Variants in IMMP2L observed in about 807,000 individuals in gnomAD.
The protein encoded by IMMP2L is inner mitochondrial membrane peptidase subunit 2.
Under a neutral mutation model 19.3 loss-of-function variants are expected in IMMP2L, and 18 were observed. The observed-to-expected ratio is 0.93, with a 90% CI of 0.64 to 1.38. The LOEUF (loss-of-function observed/expected upper bound fraction) is 1.38. IMMP2L is among the 40% of genes most tolerant of loss of function. IMMP2L has a pLI of 0.00. For synonymous variants in IMMP2L, 76 were observed against 73.0 expected (o/e 1.04, Z -0.21); for missense variants, 233 against 218.2 (o/e 1.07, Z -0.43).
At chr7:111,391,654 A>G (rs1224892403) in intron 3 of IMMP2L, among the ~76,000 whole-genome samples, 1 of 152,158 alleles carries the variant, frequency 6.6e-6, no homozygotes, top group African/African-American at 2.4e-5. Flanking sequence ...CAACGTGAAA[A>G]TTATAGGTAA....
At chr7:111,257,230 A>T (rs1489042580) in intron 3 of IMMP2L, among the ~76,000 whole-genome samples, 1 of 152,168 alleles carries the variant, frequency 6.6e-6, no homozygotes, top group African/African-American at 2.4e-5. Flanking sequence ...TCTTAATAAA[A>T]ATGAATAATA....
intron 3 of IMMP2L, among the ~76,000 whole-genome samples, chr7:111,054,449 T>C (rs1439875856): frequency 1.3e-5 from 2 of 152,192 alleles, no homozygotes; most frequent in Non-Finnish European, 2.9e-5. Context: ...CTTTACAAGA[T>C]ACAATTTAAA....
At chr7:110,669,052 C>CGTGTGTGT (rs1165734674) in intron 5 of IMMP2L, among the ~76,000 whole-genome samples, 1 of 65,272 alleles carries the variant, frequency 1.5e-5, no homozygotes, top group South Asian at 6.4e-4. Flanking sequence ...TGTGTGTGTG[C>CGTGTGTGT]GTGTGTGTGT....
At chr7:110,995,675 A>G (rs554220637) in intron 3 of IMMP2L, among the ~76,000 whole-genome samples, 12 of 152,218 alleles carry the variant, frequency 7.9e-5, no homozygotes, top group Non-Finnish European at 1.5e-4. Context: ...GCAGGACCTT[A>G]CAAACACAGG....
intron 3 of IMMP2L, among the ~76,000 whole-genome samples, chr7:111,008,971 C>T (rs973162569): frequency 5.9e-5 from 9 of 152,022 alleles, no homozygotes; most frequent in Admixed American, 2.6e-4. Flanking sequence ...GAAGACATCC[C>T]CTGACTAACT....
chr7:110,882,092 T>C (rs1479787703), intron 5 of IMMP2L, among the ~76,000 whole-genome samples: 1 of 152,092 alleles, frequency 6.6e-6, no homozygotes, highest in Non-Finnish European at 1.5e-5. Flanking sequence ...ACTGGTAGCA[T>C]CTATTGACCC....
chr7:110,797,778 A>C (rs373882739), intron 5 of IMMP2L, among the ~76,000 whole-genome samples: 3 of 152,064 alleles, frequency 2.0e-5, no homozygotes, highest in East Asian at 3.9e-4. Context: ...AATCCCTGAT[A>C]TCCTAGAAGT....
At chr7:111,456,618 C>G (rs1328047316) in intron 3 of IMMP2L, among the ~76,000 whole-genome samples, 1 of 152,136 alleles carries the variant, frequency 6.6e-6, no homozygotes, top group Non-Finnish European at 1.5e-5. Context: ...CTAAATATTA[C>G]TTCTTAGTTT....
At chr7:111,134,218 T>C (rs181433035) in intron 3 of IMMP2L, among the ~76,000 whole-genome samples, 117 of 152,216 alleles carry the variant, frequency 7.7e-4, no homozygotes, top group African/African-American at 2.6e-3. Context: ...CTGTGTCTAA[T>C]TTCCTTAGAC....
intron 3 of IMMP2L, among the ~76,000 whole-genome samples, chr7:111,379,365 T>C (rs1212579267): frequency 2.0e-5 from 3 of 151,840 alleles, no homozygotes; most frequent in Non-Finnish European, 2.9e-5. Flanking sequence ...AAATTATATA[T>C]GTATTATGCA....
At position 111,123,814 on chromosome 7, in the gene IMMP2L, G is replaced by A; in HGVS notation, c.240-160249C>T. The A allele has an allele frequency of 6.2e-7, 1 of 1,613,938 alleles. No homozygotes were observed. The highest frequency in any genetic ancestry group is 8.5e-7 in the Non-Finnish European group (1 of 1,179,968). ...CATGCTGAACAGCAATGCTCTCAGT[G>A]CCCTGTACCATGGTACCATTGAGTC... is the stretch of plus-strand genomic sequence containing the variant. On this transcript the variant is annotated intron_variant, in intron 3 of 5. Coordinates refer to ENST00000405709, the MANE Select transcript of IMMP2L (RefSeq NM_032549.4). This position sits in a 1 kb window ranked among gnomAD's most constrained non-coding sequence, Gnocchi z 6.4.
chr7:110,969,212 G>C (rs1819879174), intron 3 of IMMP2L, among the ~76,000 whole-genome samples: 1 of 151,996 alleles, frequency 6.6e-6, no homozygotes, highest in South Asian at 2.1e-4. Context: ...TTCACTATCA[G>C]TAGTGTGAAC....
intron 5 of IMMP2L, among the ~76,000 whole-genome samples, chr7:110,764,677 T>A (rs1406051): frequency 6.6e-6 from 1 of 152,006 alleles, no homozygotes; most frequent in Non-Finnish European, 1.5e-5. Context: ...AAATGTAGGA[T>A]AATGAATATG....
chr7:111,209,311 C>A (rs1010162000), intron 3 of IMMP2L, among the ~76,000 whole-genome samples: 2 of 150,294 alleles, frequency 1.3e-5, no homozygotes, highest in Admixed American at 6.7e-5. Flanking sequence ...GCAGGAGAAT[C>A]GCTTGAACCC....
chr7:111,185,279 G>A (rs1285973198), intron 3 of IMMP2L, among the ~76,000 whole-genome samples: 2 of 152,136 alleles, frequency 1.3e-5, no homozygotes, highest in Non-Finnish European at 2.9e-5. Context: ...TCAGCTCTAC[G>A]TGGTAGCTGC....
intron 3 of IMMP2L, among the ~76,000 whole-genome samples, chr7:111,018,808 A>T (rs1435325469): frequency 7.3e-6 from 1 of 136,842 alleles, no homozygotes; most frequent in South Asian, 2.6e-4. Flanking sequence ...TATTATTATT[A>T]TTATTATTAT....
intron 5 of IMMP2L, among the ~76,000 whole-genome samples, chr7:110,780,654 A>T (rs1799676600): frequency 1.3e-5 from 2 of 151,618 alleles, no homozygotes; most frequent in Non-Finnish European, 2.9e-5. Context: ...GCTTATTCTC[A>T]TTTGGGAGCT....
intron 3 of IMMP2L, among the ~76,000 whole-genome samples, chr7:111,111,745 C>G (rs1238408364): frequency 6.6e-6 from 1 of 151,670 alleles, no homozygotes; most frequent in Non-Finnish European, 1.5e-5. Flanking sequence ...TAAAGTAGTC[C>G]TACATAATTA....
intron 3 of IMMP2L, among the ~76,000 whole-genome samples, chr7:111,314,540 G>A (rs1823849998): frequency 1.3e-5 from 2 of 152,092 alleles, no homozygotes; most frequent in South Asian, 4.2e-4. Flanking sequence ...TGAATAAGAT[G>A]AGGAAAATAA....
Sources: allele counts gnomAD v4.1 joint callset (sites outside exome capture counted in the v4.1 genomes callset), GRCh38; gene constraint gnomAD v4.1.1; non-coding constraint Gnocchi (gnomAD v3.1); transcripts MANE v1.5; gene names NCBI Gene and HGNC (gene_info 2026-07-23, HGNC 2026-07-21).